Variants in RBFOX1 observed in about 807,000 individuals in gnomAD.
RBFOX1 encodes the protein RNA binding protein fox-1 homolog 1.
In RBFOX1, 8 loss-of-function variants were observed where a neutral mutation model predicts 57.7. The ratio of observed to expected loss-of-function variants is 0.14; its 90% CI spans 0.08 to 0.25. RBFOX1 has a LOEUF of 0.25. RBFOX1 is among the 10% of genes least tolerant of loss of function. The pLI, the probability that RBFOX1 is intolerant of heterozygous loss-of-function variation, is 1.00. For synonymous variants in RBFOX1, 326 were observed against 222.4 expected (o/e 1.47, Z -4.15); for missense variants, 611 against 548.5 (o/e 1.11, Z -1.14).
At chr16:5,375,081 T>C (rs992066951) in intron 1 of RBFOX1, among the ~76,000 whole-genome samples, 2 of 46,210 alleles carry the variant, frequency 4.3e-5, no homozygotes, top group Admixed American at 3.4e-4. Context: ...AGATTTTAAA[T>C]GGCCAAAAAA....
At chr16:6,756,770 G>C (rs2075851744) in intron 3 of RBFOX1, among the ~76,000 whole-genome samples, 1 of 152,078 alleles carries the variant, frequency 6.6e-6, no homozygotes, top group African/African-American at 2.4e-5. Flanking sequence ...TCAGGAGTTC[G>C]AGACCAGCCT....
intron 1 of RBFOX1, among the ~76,000 whole-genome samples, chr16:6,112,290 T>C (rs886714809): frequency 6.6e-6 from 1 of 152,168 alleles, no homozygotes; most frequent in African/African-American, 2.4e-5. Context: ...TAAATGAATA[T>C]AGTAAATGGT....
chr16:5,673,580 A>G (rs943265562), intron 3 of RBFOX1, among the ~76,000 whole-genome samples: 5 of 152,286 alleles, frequency 3.3e-5, no homozygotes, highest in Non-Finnish European at 7.4e-5. Context: ...GTCAAGTGGA[A>G]GGGGCTCCAT....
At chr16:5,808,147 G>A (rs1236209464) in intron 3 of RBFOX1, among the ~76,000 whole-genome samples, 1 of 152,150 alleles carries the variant, frequency 6.6e-6, no homozygotes, top group Non-Finnish European at 1.5e-5. Flanking sequence ...TTCCAAAGAA[G>A]TAATTAAGAT....
intron 2 of RBFOX1, among the ~76,000 whole-genome samples, chr16:5,534,572 A>G (rs1356788792): frequency 2.3e-4 from 35 of 152,176 alleles, no homozygotes; most frequent in Admixed American, 2.2e-3. Context: ...CGCAGGAGAA[A>G]GATGAAAGCC....
At position 7,004,303 on chromosome 16, in the gene RBFOX1, C is replaced by A. The variant is rs141772978; in HGVS notation, c.-15-47754C>A. Among the ~76,000 whole-genome samples the A allele has an allele frequency of 6.9e-3, 1,051 of 152,212 alleles. 15 individuals carry two copies. The highest frequency in any genetic ancestry group is 0.024 in the African/African-American group (1,002 of 41,532). On this transcript the variant is annotated intron_variant, in intron 3 of 15. Coordinates refer to ENST00000550418, the MANE Select transcript of RBFOX1 (RefSeq NM_018723.4). ...TTAATTAGATTAAATTAACTCCATTCGGATACCTAAGGTTATATTTGTGTA... is the reference window on the plus strand; with the variant it reads ...TTAATTAGATTAAATTAACTCCATTAGGATACCTAAGGTTATATTTGTGTA...
At chr16:6,247,872 C>A (rs1273950269) in intron 1 of RBFOX1, among the ~76,000 whole-genome samples, 1 of 152,164 alleles carries the variant, frequency 6.6e-6, no homozygotes, top group East Asian at 1.9e-4. Context: ...AAAGCAGTGG[C>A]CACATTGTCA....
At chr16:5,828,874 C>G (rs1367589006) in intron 3 of RBFOX1, among the ~76,000 whole-genome samples, 1 of 152,058 alleles carries the variant, frequency 6.6e-6, no homozygotes, top group Non-Finnish European at 1.5e-5. Flanking sequence ...TTACCATTAC[C>G]CCCAAAGTGA....
At chr16:7,670,215 A>T (rs539867431) in intron 13 of RBFOX1, among the ~76,000 whole-genome samples, 1 of 152,258 alleles carries the variant, frequency 6.6e-6, no homozygotes, top group South Asian at 2.1e-4. Flanking sequence ...GATCCTTAGT[A>T]GAGACGGGGT....
At chr16:6,179,970 C>A (rs555007963) in intron 1 of RBFOX1, among the ~76,000 whole-genome samples, 1 of 152,132 alleles carries the variant, frequency 6.6e-6, no homozygotes, top group Non-Finnish European at 1.5e-5. Context: ...TTTTCTGCAT[C>A]TGTTGAGATG....
intron 1 of RBFOX1, among the ~76,000 whole-genome samples, chr16:6,212,742 A>G (rs547814032): frequency 1.3e-4 from 20 of 151,728 alleles, no homozygotes; most frequent in Admixed American, 7.9e-4. Flanking sequence ...AAAAAAACCC[A>G]CTAATATGAT....
At chr16:6,929,250 A>G (rs2076126000) in intron 3 of RBFOX1, among the ~76,000 whole-genome samples, 1 of 152,166 alleles carries the variant, frequency 6.6e-6, no homozygotes, top group African/African-American at 2.4e-5. Flanking sequence ...AGAGAAGAAG[A>G]AGATATTGCT....
intron 2 of RBFOX1, among the ~76,000 whole-genome samples, chr16:6,505,814 C>G (rs1264305713): frequency 6.6e-6 from 1 of 152,182 alleles, no homozygotes; most frequent in Non-Finnish European, 1.5e-5. Flanking sequence ...ATAACACATT[C>G]ATTCATTTCA....
intron 1 of RBFOX1, among the ~76,000 whole-genome samples, chr16:5,454,338 C>T (rs1277307605): frequency 6.6e-6 from 1 of 152,206 alleles, no homozygotes; most frequent in African/African-American, 2.4e-5. Flanking sequence ...TCTGATTAAA[C>T]TCTTAGAGTC....
intron 12 of RBFOX1, among the ~76,000 whole-genome samples, chr16:7,663,567 C>T (rs998734668): frequency 2.6e-5 from 4 of 151,564 alleles, no homozygotes; most frequent in African/African-American, 9.7e-5. Context: ...ATATGCTTTG[C>T]TTACATGTGG....
chr16:6,775,314 A>T lies in RBFOX1; in HGVS notation c.-16+120664A>T, dbSNP rs551616371. On this transcript the variant is annotated intron_variant, in intron 3 of 15. Coordinates refer to ENST00000550418, the MANE Select transcript of RBFOX1 (RefSeq NM_018723.4). ...CACCGCACTCCAGCCTGGGCGATAC[A>T]GCGAGACTCTGTCTCAAAAAAAAAA... is the stretch of plus-strand genomic sequence containing the variant. Among the ~76,000 whole-genome samples, 449 of 140,530 alleles carry T rather than the reference A, an allele frequency of 3.2e-3. 2 individuals are homozygous for T. The highest frequency in any genetic ancestry group is 0.01 in the Admixed American group (132 of 13,110). 92.2% of individuals were successfully genotyped at this position (140,530 alleles called of 152,430 possible).
chr16:6,569,131 G>T (rs544440742), intron 2 of RBFOX1, among the ~76,000 whole-genome samples: 1 of 152,276 alleles, frequency 6.6e-6, no homozygotes, highest in Admixed American at 6.5e-5. Context: ...TCTGCCTCTT[G>T]ATATCCATGT....
intron 1 of RBFOX1, among the ~76,000 whole-genome samples, chr16:6,270,048 T>G (rs887395411): frequency 6.6e-6 from 1 of 152,146 alleles, no homozygotes; most frequent in African/African-American, 2.4e-5. Context: ...TATATTGCAC[T>G]ACCTAGATAA....
At chr16:6,931,918 A>C (rs980169269) in intron 3 of RBFOX1, among the ~76,000 whole-genome samples, 3 of 152,176 alleles carry the variant, frequency 2.0e-5, no homozygotes, top group Non-Finnish European at 4.4e-5. Flanking sequence ...GGAGGAGGCG[A>C]GGAGTAAGCA....
Sources: allele counts gnomAD v4.1 joint callset (sites outside exome capture counted in the v4.1 genomes callset), GRCh38; gene constraint gnomAD v4.1.1; transcripts MANE v1.5; gene names NCBI Gene and HGNC (gene_info 2026-07-23, HGNC 2026-07-21).